Variants in ARHGAP26 observed in about 807,000 individuals in gnomAD.
The protein encoded by ARHGAP26 is Rho GTPase activating protein 26.
ARHGAP26 carries 38 observed loss-of-function variants against 104.8 expected under a neutral mutation model. That is an observed-to-expected ratio of 0.36 (90% CI 0.28 to 0.48). ARHGAP26 has a LOEUF of 0.48. Among genes scored for constraint, ARHGAP26 ranks in the 20% least tolerant of loss-of-function variants. ARHGAP26 has a pLI of 0.99. For synonymous variants in ARHGAP26, 341 were observed against 340.0 expected, an observed-to-expected ratio of 1.00 and a Z score of -0.03; for missense variants, 704 against 947.9, an observed-to-expected ratio of 0.74 and a Z score of 3.38.
chr5:142,990,662 T>G (rs1775454254), intron 11 of ARHGAP26, among the ~76,000 whole-genome samples: 1 of 152,214 alleles, frequency 6.6e-6, no homozygotes, highest in Non-Finnish European at 1.5e-5. Context: ...CCTTTCTGTT[T>G]GTTAGTTTTC....
chr5:142,849,251 G>T (rs1425035022), intron 1 of ARHGAP26, among the ~76,000 whole-genome samples: 1 of 152,114 alleles, frequency 6.6e-6, no homozygotes, highest in African/African-American at 2.4e-5. Flanking sequence ...TTGTGAAGTA[G>T]GTGTGGACTC....
At chr5:142,967,205 A>G (rs1771517205) in intron 11 of ARHGAP26, among the ~76,000 whole-genome samples, 1 of 152,214 alleles carries the variant, frequency 6.6e-6, no homozygotes, top group Admixed American at 6.5e-5. Context: ...ACAGAACGAT[A>G]AAAATTGACC....
intron 14 of ARHGAP26, among the ~76,000 whole-genome samples, chr5:143,052,035 A>G (rs916322164): frequency 2.0e-5 from 3 of 152,222 alleles, no homozygotes; most frequent in Admixed American, 1.3e-4. Flanking sequence ...GGAAAAAGCC[A>G]TTCAGGGAGT....
intron 11 of ARHGAP26, among the ~76,000 whole-genome samples, 172 bp downstream of exon 11, chr5:142,932,297 G>A (rs1764841308): frequency 6.6e-6 from 1 of 152,192 alleles, no homozygotes; most frequent in African/African-American, 2.4e-5. Context: ...TATTGCTTCT[G>A]TATAGATGTA....
At chr5:142,973,719 T>G (rs945790691) in intron 11 of ARHGAP26, among the ~76,000 whole-genome samples, 1 of 152,198 alleles carries the variant, frequency 6.6e-6, no homozygotes, top group Non-Finnish European at 1.5e-5. Flanking sequence ...TTACATACCT[T>G]AAGACCCAGG....
At chr5:142,848,879 G>T (rs1016182765) in intron 1 of ARHGAP26, among the ~76,000 whole-genome samples, 3 of 152,150 alleles carry the variant, frequency 2.0e-5, no homozygotes, top group Admixed American at 2.0e-4. Flanking sequence ...TTTCTTTCCC[G>T]CCTACTTGGT....
intron 1 of ARHGAP26, chr5:142,860,101 A>T (rs1459381552): frequency 6.6e-6 from 1 of 152,208 alleles, no homozygotes; most frequent in Admixed American, 6.5e-5. Context: ...CCCGCATGAC[A>T]TCCCGGTTGT....
intron 1 of ARHGAP26, among the ~76,000 whole-genome samples, chr5:142,862,077 T>C (rs1753457200): frequency 6.6e-6 from 1 of 152,188 alleles, no homozygotes; most frequent in Non-Finnish European, 1.5e-5. Flanking sequence ...TGGTTATGGG[T>C]TGGCTTGTTT....
At chr5:143,126,104 A>G (rs1339237572) in intron 18 of ARHGAP26, among the ~76,000 whole-genome samples, 5 of 152,234 alleles carry the variant, frequency 3.3e-5, no homozygotes, top group African/African-American at 9.7e-5. Context: ...AGTGTGCTAA[A>G]TGACCTCCAG....
chr5:142,879,230 G>A, intron 3 of ARHGAP26, 144 bp from the exon 4 acceptor site: 1 of 746,688 alleles, frequency 1.3e-6, no homozygotes, highest in Non-Finnish European at 2.4e-6. Flanking sequence ...TTAGTTCGAA[G>A]GTTGTAAACA....
At chr5:143,117,370 T>C (rs1795602256) in intron 17 of ARHGAP26, among the ~76,000 whole-genome samples, 1 of 152,218 alleles carries the variant, frequency 6.6e-6, no homozygotes, top group Non-Finnish European at 1.5e-5. Flanking sequence ...GGCTGACGTC[T>C]AGGCCTTTCT....
chr5:142,871,353 T>C lies in ARHGAP26; in HGVS notation c.155-2047T>C, dbSNP rs902082952. ...GCAGCTGCCCTTGGCAGTGCGGCTT[T>C]TCAGGTGTGTGCTGGGAGCTTTCCC... On this transcript the variant is annotated intron_variant, in intron 1 of 22. Coordinates refer to ENST00000645722, the MANE Select transcript of ARHGAP26 (RefSeq NM_001135608.3). This position sits in a 1 kb window ranked among gnomAD's most constrained non-coding sequence, Gnocchi z 4.1. 1.8e-4 allele frequency among the ~76,000 whole-genome samples: 27 copies of C among 152,246 alleles called. No individual in the cohort carries two copies. Among genetic ancestry groups the C allele is most frequent in the African/African-American group, 6.5e-4 (27 of 41,460 alleles).
chr5:143,148,335 C>G (rs1799405173), intron 20 of ARHGAP26, among the ~76,000 whole-genome samples: 1 of 152,070 alleles, frequency 6.6e-6, no homozygotes, highest in Admixed American at 6.5e-5. Flanking sequence ...ATGACAGCAC[C>G]CTGCCATTCA....
chr5:142,811,158 TG>T (rs1383376598), intron 1 of ARHGAP26, among the ~76,000 whole-genome samples: 1 of 152,236 alleles, frequency 6.6e-6, no homozygotes, highest in African/African-American at 2.4e-5. Flanking sequence ...CTGGGGTTAT[TG>T]TTAAGTTTCA....
At chr5:143,038,257 T>C (rs541897993) in intron 13 of ARHGAP26, among the ~76,000 whole-genome samples, 1 of 152,178 alleles carries the variant, frequency 6.6e-6, no homozygotes, top group East Asian at 1.9e-4. Flanking sequence ...CACTTTTTTT[T>C]CCATAAGGAC....
rs1054926851 is a variant in ARHGAP26 at position 142,975,653 on chromosome 5, T to C, written c.1108-38427T>C. Among the ~76,000 whole-genome samples the C allele has an allele frequency of 2.6e-5, 4 of 152,168 alleles. No homozygotes were observed. The South Asian group carries it at 8.3e-4, about 32-fold the overall frequency. On this transcript the variant is annotated intron_variant, in intron 11 of 22. Coordinates refer to ENST00000645722, the MANE Select transcript of ARHGAP26 (RefSeq NM_001135608.3). ...GTTTCTTGTGTGTATCATCTCCCAA[T>C]CGACAGTCAGTAAACTTCATCATTC...
intron 11 of ARHGAP26, among the ~76,000 whole-genome samples, chr5:142,998,744 C>T (rs1376054492): frequency 2.0e-5 from 3 of 149,132 alleles, no homozygotes; most frequent in East Asian, 3.9e-4. Flanking sequence ...AAAAAAAGAA[C>T]AAAAAAAAAG....
At chr5:142,875,733 G>A (rs1381057788) in intron 3 of ARHGAP26, among the ~76,000 whole-genome samples, 2 of 152,138 alleles carry the variant, frequency 1.3e-5, no homozygotes, top group Non-Finnish European at 2.9e-5. Flanking sequence ...GATATCTTTT[G>A]TACTAGAATT....
intron 11 of ARHGAP26, among the ~76,000 whole-genome samples, chr5:142,970,166 T>C (rs905855897): frequency 6.6e-6 from 1 of 152,204 alleles, no homozygotes; most frequent in Non-Finnish European, 1.5e-5. Flanking sequence ...AGCCCAGTGC[T>C]GCACACATAT....
Sources: allele counts gnomAD v4.1 joint callset (sites outside exome capture counted in the v4.1 genomes callset), GRCh38; gene constraint gnomAD v4.1.1; non-coding constraint Gnocchi (gnomAD v3.1); transcripts MANE v1.5; gene names NCBI Gene and HGNC (gene_info 2026-07-23, HGNC 2026-07-21).